The following RUNX2 variants were observed in gnomAD, a reference collection of about 807,000 sequenced individuals.
RUNX2 encodes RUNX family transcription factor 2, also known as runt-related transcription factor 2.
Under a neutral mutation model 51.7 loss-of-function variants are expected in RUNX2, and 10 were observed. The ratio of observed to expected loss-of-function variants is 0.19; its 90% confidence interval spans 0.12 to 0.33. The LOEUF (loss-of-function observed/expected upper bound fraction) is 0.33. Ranked by LOEUF, RUNX2 falls within the 10% of genes least tolerant of loss-of-function variation. RUNX2 has a pLI of 1.00. For missense variants in RUNX2, 562 were observed against 691.3 expected, an observed-to-expected ratio of 0.81 and a Z score of 2.10; for synonymous variants, 276 against 273.6, an observed-to-expected ratio of 1.01 and a Z score of -0.09.
intron 5 of RUNX2, among the ~76,000 whole-genome samples, chr6:45,482,188 C>G (rs1800136708): frequency 6.6e-6 from 1 of 152,186 alleles, no homozygotes; most frequent in African/African-American, 2.4e-5. Flanking sequence ...TGCTTTCATC[C>G]AATCTTTTTA....
At chr6:45,361,210 T>C (rs9472470) in intron 2 of RUNX2, among the ~76,000 whole-genome samples, 22,119 of 152,138 alleles carry the variant, frequency 0.15, 2,124 homozygotes, top group African/African-American at 0.27. Context: ...TTTTTTAATT[T>C]GTGGATGTTA....
chr6:45,482,916 A>T (rs1357556864), intron 5 of RUNX2, among the ~76,000 whole-genome samples: 1 of 152,104 alleles, frequency 6.6e-6, no homozygotes, highest in Non-Finnish European at 1.5e-5. Context: ...CTGAAAGGGG[A>T]CTCTTGAAGA....
At chr6:45,336,951 A>G (rs1788689835) in intron 2 of RUNX2, among the ~76,000 whole-genome samples, 1 of 151,716 alleles carries the variant, frequency 6.6e-6, no homozygotes, top group African/African-American at 2.4e-5. Flanking sequence ...CTGGCATAAA[A>G]ATATTTTTTG....
intron 7 of RUNX2, among the ~76,000 whole-genome samples, chr6:45,542,600 A>G (rs1460088187): frequency 6.6e-6 from 1 of 152,242 alleles, no homozygotes; most frequent in African/African-American, 2.4e-5. Context: ...GATTAGATCA[A>G]CAAGGCCTAA....
intron 7 of RUNX2, among the ~76,000 whole-genome samples, chr6:45,514,193 T>C (rs1801250877): frequency 1.3e-5 from 2 of 152,210 alleles, no homozygotes; most frequent in Admixed American, 1.3e-4. Flanking sequence ...CTGAGGTATA[T>C]TCCTGTGAGT....
chr6:45,402,979 C>T (rs1017276691), intron 2 of RUNX2, among the ~76,000 whole-genome samples: 6 of 152,118 alleles, frequency 3.9e-5, no homozygotes, highest in South Asian at 2.1e-4. Flanking sequence ...AACTTTATCA[C>T]ATATATAGCA....
chr6:45,373,928 C>A (rs1350296316), intron 2 of RUNX2, among the ~76,000 whole-genome samples: 1 of 152,184 alleles, frequency 6.6e-6, no homozygotes, highest in Non-Finnish European at 1.5e-5. Context: ...CATGCTGTTA[C>A]ACAAAATTTA....
chr6:45,401,982 C>G (rs1218128336), intron 2 of RUNX2, among the ~76,000 whole-genome samples: 1 of 152,198 alleles, frequency 6.6e-6, no homozygotes, highest in Non-Finnish European at 1.5e-5. Flanking sequence ...TCTAGAGTTA[C>G]TACTAGGATA....
intron 2 of RUNX2, among the ~76,000 whole-genome samples, chr6:45,395,982 CA>C (rs1437557835): frequency 6.6e-6 from 1 of 152,066 alleles, no homozygotes; most frequent in Non-Finnish European, 1.5e-5. Flanking sequence ...AAAACATTTT[CA>C]ACCCACTATA....
chr6:45,443,782 A>G (rs899108270), intron 5 of RUNX2, among the ~76,000 whole-genome samples: 3 of 152,246 alleles, frequency 2.0e-5, no homozygotes, highest in African/African-American at 7.2e-5. Context: ...TTTGAACAAA[A>G]AGAAGTATGA....
At chr6:45,430,796 T>G (rs1279652178) in intron 3 of RUNX2, among the ~76,000 whole-genome samples, 1 of 152,126 alleles carries the variant, frequency 6.6e-6, no homozygotes, top group Non-Finnish European at 1.5e-5. Flanking sequence ...TGAGTTACCA[T>G]GAGGGCATCT....
chr6:45,499,261 T>TCAGGTGGGG (rs1800732387), intron 6 of RUNX2, among the ~76,000 whole-genome samples: 1 of 152,214 alleles, frequency 6.6e-6, no homozygotes, highest in Non-Finnish European at 1.5e-5. Flanking sequence ...TTGAGATGTT[T>TCAGGTGGGG]CAGGTGGGGC....
intron 2 of RUNX2, among the ~76,000 whole-genome samples, chr6:45,330,529 C>T (rs1787258288): frequency 6.6e-6 from 1 of 151,864 alleles, no homozygotes; most frequent in Non-Finnish European, 1.5e-5. Flanking sequence ...AGGAACAACA[C>T]AAGTTTCAAA....
chr6:45,360,802 C>A (rs958482895), intron 2 of RUNX2, among the ~76,000 whole-genome samples: 3 of 152,164 alleles, frequency 2.0e-5, no homozygotes, highest in South Asian at 4.1e-4. Flanking sequence ...AGGAAGCGGG[C>A]AGAACTACAG....
At chr6:45,345,351 C>T (rs563104467) in intron 2 of RUNX2, among the ~76,000 whole-genome samples, 163 of 152,238 alleles carry the variant, frequency 1.1e-3, no homozygotes, top group African/African-American at 3.7e-3. Flanking sequence ...TTATTATATG[C>T]ATCTCTGCAG....
At position 45,425,972 on chromosome 6, in the gene RUNX2, T is replaced by C. The variant is rs144972236; in HGVS notation, c.423+3015T>C. ...CAATATTTATTGAGCCCGTATTTTG[T>C]ATCTGTCACACTGAGCTTGACACCG... On this transcript the variant is annotated intron_variant, in intron 3 of 8. Transcript: ENST00000647337. Among the ~76,000 whole-genome samples, 420 of 152,316 alleles carry C rather than the reference T, an allele frequency of 2.8e-3. 3 individuals carry two copies. Among genetic ancestry groups the C allele is most frequent in the African/African-American group, 9.3e-3 (386 of 41,574 alleles).
At chr6:45,426,717 A>G (rs1320485392) in intron 3 of RUNX2, among the ~76,000 whole-genome samples, 1 of 152,368 alleles carries the variant, frequency 6.6e-6, no homozygotes, top group Non-Finnish European at 1.5e-5. Flanking sequence ...TATATAAGCT[A>G]GCACTCATAG....
intron 7 of RUNX2, among the ~76,000 whole-genome samples, chr6:45,515,548 A>ATTTTAAAAGTTTAG (rs1190302425): frequency 2.0e-5 from 3 of 152,210 alleles, no homozygotes; most frequent in Non-Finnish European, 2.9e-5. Context: ...TAAAAATCTA[A>ATTTTAAAAGTTTAG]ACTTTTAAAG....
intron 5 of RUNX2, among the ~76,000 whole-genome samples, chr6:45,455,937 G>T (rs1379053530): frequency 1.3e-5 from 2 of 152,060 alleles, no homozygotes; most frequent in African/African-American, 4.8e-5. Flanking sequence ...TGATAATTTA[G>T]ATTATGTGGA....
Sources: allele counts gnomAD v4.1 joint callset (sites outside exome capture counted in the v4.1 genomes callset), GRCh38; gene constraint gnomAD v4.1.1; transcripts MANE v1.5; gene names NCBI Gene and HGNC (gene_info 2026-07-23, HGNC 2026-07-21).